The following CNOT6L variants were observed in gnomAD, a reference collection of about 807,000 sequenced individuals.
The protein encoded by CNOT6L is CCR4-NOT transcription complex subunit 6 like.
CNOT6L carries 7 observed loss-of-function variants against 64.0 expected under a neutral mutation model. The observed-to-expected ratio is 0.11, with a 90% CI of 0.06 to 0.21. The LOEUF (loss-of-function observed/expected upper bound fraction) is 0.21. Among genes scored for constraint, CNOT6L ranks in the 10% least tolerant of loss-of-function variants. The pLI is 1.00. For missense variants in CNOT6L, 245 were observed against 669.0 expected (o/e 0.37, Z 6.99); for synonymous variants, 193 against 243.4 (o/e 0.79, Z 1.93).
chr4:77,780,693 T>C (rs1728761128), intron 1 of CNOT6L, among the ~76,000 whole-genome samples: 1 of 152,200 alleles, frequency 6.6e-6, no homozygotes. Flanking sequence ...TTAATCTCCA[T>C]CACCAAAGGC....
intron 5 of CNOT6L, among the ~76,000 whole-genome samples, chr4:77,749,773 C>T (rs966039242): frequency 2.0e-5 from 3 of 152,118 alleles, no homozygotes; most frequent in Non-Finnish European, 4.4e-5. Context: ...CTGGTGATGG[C>T]GATAAACAGC....
chr4:77,756,858 T>A lies in CNOT6L; in HGVS notation c.490+4A>T. The A allele has an allele frequency of 6.3e-7, 1 of 1,582,912 alleles. No individual in the cohort carries two copies. Among genetic ancestry groups the A allele is most frequent in the Non-Finnish European group, 8.7e-7 (1 of 1,155,414 alleles). ...TATTTTACAGCTTTGTCACTAACAG[T>A]TACCTGCGAGATTGTCAAGCATGAA... On this transcript the variant is annotated splice_donor_region_variant and intron_variant, in intron 5 of 11. Coordinates refer to ENST00000504123, the MANE Select transcript of CNOT6L (RefSeq NM_144571.3).
chr4:77,760,636 A>G (rs1170364342), intron 4 of CNOT6L, among the ~76,000 whole-genome samples: 1 of 151,844 alleles, frequency 6.6e-6, no homozygotes, highest in Non-Finnish European at 1.5e-5. Context: ...AATAAAACTG[A>G]TACATTTCTC....
chr4:77,766,024 C>G (rs1018049342), intron 4 of CNOT6L, among the ~76,000 whole-genome samples: 5 of 152,156 alleles, frequency 3.3e-5, no homozygotes, highest in African/African-American at 7.2e-5. Context: ...CTTATGTCTT[C>G]TGCCACCATC....
chr4:77,795,168 C>A (rs948341237), intron 1 of CNOT6L, among the ~76,000 whole-genome samples: 1 of 151,654 alleles, frequency 6.6e-6, no homozygotes, highest in African/African-American at 2.4e-5. Context: ...TACAGACATG[C>A]GCCACCACGG....
chr4:77,805,538 T>G (rs964660441), intron 1 of CNOT6L, among the ~76,000 whole-genome samples: 2 of 152,212 alleles, frequency 1.3e-5, no homozygotes, highest in Admixed American at 6.5e-5. Context: ...CTAACAGAAG[T>G]ACATTTTCAT....
At chr4:77,784,914 A>G (rs1015531561) in intron 1 of CNOT6L, among the ~76,000 whole-genome samples, 12 of 152,104 alleles carry the variant, frequency 7.9e-5, no homozygotes, top group Admixed American at 2.0e-4. Context: ...CTTCTTCTGT[A>G]TATTTCCCCA....
chr4:77,741,405 G>A (rs1217374351), intron 8 of CNOT6L, among the ~76,000 whole-genome samples: 6 of 152,130 alleles, frequency 3.9e-5, no homozygotes, highest in African/African-American at 1.4e-4. Context: ...TATCCTGTAA[G>A]ATGATTTCCT....
intron 1 of CNOT6L, among the ~76,000 whole-genome samples, chr4:77,777,520 TAAG>T (rs1728286096): frequency 6.6e-6 from 1 of 152,192 alleles, no homozygotes; most frequent in Non-Finnish European, 1.5e-5. Context: ...GGGTCCAATA[TAAG>T]AAGTACTGCT....
intron 11 of CNOT6L, among the ~76,000 whole-genome samples, chr4:77,725,939 T>C (rs1315554117): frequency 6.6e-6 from 1 of 150,640 alleles, no homozygotes; most frequent in Non-Finnish European, 1.5e-5. Flanking sequence ...GTTTTTGTTA[T>C]TATATTATTT....
At chr4:77,759,227 G>T (rs1275872969) in intron 4 of CNOT6L, among the ~76,000 whole-genome samples, 3 of 151,738 alleles carry the variant, frequency 2.0e-5, no homozygotes, top group Non-Finnish European at 4.4e-5. Context: ...TTTAAAAACA[G>T]ATTATAGTGC....
chr4:77,718,007 ATAAACT>A lies in CNOT6L; in HGVS notation c.*2418_*2423del, dbSNP rs1338052438. ...ACAGAGTGCCTCGATCATACACAAAATAAACTTAAGCTGTTTACAATGTTTCCCATT... is the reference window on the plus strand; with the variant it reads ...ACAGAGTGCCTCGATCATACACAAAATAAGCTGTTTACAATGTTTCCCATT... On this transcript the variant is annotated 3_prime_UTR_variant, in exon 12 of 12. Transcript: ENST00000504123. The A allele has an allele frequency of 2.6e-5, 4 of 151,276 alleles. No individual in the cohort carries two copies. In the South Asian group the frequency reaches 6.3e-4, roughly 24 times the overall value. The allele number at this position is 151,276 out of a possible 1,614,324, so 9.4% of individuals were successfully genotyped here. A position where few individuals can be genotyped will look rare whatever the true frequency, so the allele number is the denominator to read the frequency against.
chr4:77,816,632 A>C (rs1364497458), intron 1 of CNOT6L, among the ~76,000 whole-genome samples: 1 of 152,180 alleles, frequency 6.6e-6, no homozygotes, highest in Non-Finnish European at 1.5e-5. Context: ...AGCTATACTG[A>C]ATGTGTTGAA....
chr4:77,758,678 G>C (rs1369707751), intron 4 of CNOT6L, among the ~76,000 whole-genome samples: 1 of 152,144 alleles, frequency 6.6e-6, no homozygotes, highest in Non-Finnish European at 1.5e-5. Context: ...ATTACTGGAG[G>C]CTCCATGTAG....
At position 77,730,005 on chromosome 4, in the gene CNOT6L, A is replaced by T. The variant is rs1307957709; in HGVS notation, c.1025-924T>A. ...GTATGAATGACATGAGGGATCTCTCACTTTTTACTTTACATACCTTTAAAC... is the reference window on the plus strand; with the variant it reads ...GTATGAATGACATGAGGGATCTCTCTCTTTTTACTTTACATACCTTTAAAC... On this transcript the variant is annotated intron_variant, in intron 9 of 11. Transcript: ENST00000504123. Among the ~76,000 whole-genome samples, 5 of 152,148 alleles carry T rather than the reference A, an allele frequency of 3.3e-5. No homozygotes were observed. In the East Asian group the frequency reaches 7.7e-4, roughly 23 times the overall value.
intron 1 of CNOT6L, among the ~76,000 whole-genome samples, chr4:77,807,759 C>A (rs1356929511): frequency 1.3e-5 from 2 of 152,150 alleles, no homozygotes; most frequent in Admixed American, 1.3e-4. Flanking sequence ...AAATTTGCAT[C>A]TTATTTAAAA....
At chr4:77,809,391 A>C (rs1430976595) in intron 1 of CNOT6L, among the ~76,000 whole-genome samples, 1 of 152,208 alleles carries the variant, frequency 6.6e-6, no homozygotes, top group Non-Finnish European at 1.5e-5. Flanking sequence ...CCCTGAATAC[A>C]ATAGTCTATA....
intron 1 of CNOT6L, among the ~76,000 whole-genome samples, chr4:77,811,300 A>G (rs1352972732): frequency 6.6e-6 from 1 of 152,172 alleles, no homozygotes; most frequent in African/African-American, 2.4e-5. Flanking sequence ...CTGTAATCCC[A>G]GCACTTTGGG....
At chr4:77,811,842 T>C (rs1293594653) in intron 1 of CNOT6L, among the ~76,000 whole-genome samples, 1 of 148,526 alleles carries the variant, frequency 6.7e-6, no homozygotes, top group Non-Finnish European at 1.5e-5. Context: ...ACTGCCTGCC[T>C]ATGGGCTAGC....
Sources: allele counts gnomAD v4.1 joint callset (sites outside exome capture counted in the v4.1 genomes callset), GRCh38; gene constraint gnomAD v4.1.1; transcripts MANE v1.5; gene names NCBI Gene and HGNC (gene_info 2026-07-23, HGNC 2026-07-21).